The following CAMK2D variants were observed in gnomAD, a reference collection of about 807,000 sequenced individuals.
CAMK2D encodes the protein calcium/calmodulin dependent protein kinase II delta.
In CAMK2D, 37 loss-of-function variants were observed where a neutral mutation model predicts 84.0. The ratio of observed to expected loss-of-function variants is 0.44; its 90% CI spans 0.34 to 0.58. The LOEUF is 0.58. Ranked by LOEUF, CAMK2D falls within the 20% of genes least tolerant of loss-of-function variation. CAMK2D has a pLI of 0.02. For synonymous variants in CAMK2D, 202 were observed against 212.5 expected (o/e 0.95, Z 0.43); for missense variants, 448 against 652.5 (o/e 0.69, Z 3.41).
At chr4:113,499,497 C>T (rs1011316302) in intron 16 of CAMK2D, among the ~76,000 whole-genome samples, 1 of 152,150 alleles carries the variant, frequency 6.6e-6, no homozygotes, top group Non-Finnish European at 1.5e-5. Context: ...CTGAGAATTT[C>T]CAAATCCTTT....
At chr4:113,606,723 C>T (rs2098979302) in intron 4 of CAMK2D, among the ~76,000 whole-genome samples, 1 of 152,048 alleles carries the variant, frequency 6.6e-6, no homozygotes, top group Non-Finnish European at 1.5e-5. Flanking sequence ...TTCAAAGAAA[C>T]AATGTCCAAA....
At chr4:113,475,595 A>G (rs1050529941) in intron 16 of CAMK2D, among the ~76,000 whole-genome samples, 1 of 152,244 alleles carries the variant, frequency 6.6e-6, no homozygotes, top group African/African-American at 2.4e-5. Flanking sequence ...AGTTTTACCA[A>G]CTAACATAGT....
At chr4:113,517,851 C>T (rs889156031) in intron 8 of CAMK2D, among the ~76,000 whole-genome samples, 194 bp from the exon 9 acceptor site, 1 of 152,104 alleles carries the variant, frequency 6.6e-6, no homozygotes, top group Non-Finnish European at 1.5e-5. Flanking sequence ...TCCTATGCTC[C>T]AGAACTCTGA....
chr4:113,583,491 C>G (rs2098819979), intron 4 of CAMK2D, among the ~76,000 whole-genome samples: 1 of 152,162 alleles, frequency 6.6e-6, no homozygotes, highest in African/African-American at 2.4e-5. Context: ...GCAACTTGGA[C>G]TCAACTGGTA....
rs560319375 is a variant in CAMK2D at position 113,610,767 on chromosome 4, GCCAC to G, written c.221-1565_221-1562del. Among the ~76,000 whole-genome samples, 509 of 152,190 alleles carry G rather than the reference GCCAC, an allele frequency of 3.3e-3. 2 individuals carry two copies. The highest frequency in any genetic ancestry group is 0.012 in the African/African-American group (493 of 41,510). On this transcript the variant is annotated intron_variant, in intron 3 of 20. Transcript: ENST00000511664. Reference sequence around the variant, plus strand: ...AGCACACTGCAGTCCCCGCTGCCCTGCCACGCTTATCTTACTTGTCACAGTGCCA... The same window carrying G: ...AGCACACTGCAGTCCCCGCTGCCCTGGCTTATCTTACTTGTCACAGTGCCA...
chr4:113,553,039 T>C (rs1048437517), intron 4 of CAMK2D, among the ~76,000 whole-genome samples: 25 of 152,330 alleles, frequency 1.6e-4, no homozygotes, highest in African/African-American at 6.0e-4. Context: ...TCTGGCTTGA[T>C]TTTAAAAGGA....
At chr4:113,732,883 T>C (rs2099572547) in intron 2 of CAMK2D, among the ~76,000 whole-genome samples, 1 of 152,166 alleles carries the variant, frequency 6.6e-6, no homozygotes, top group South Asian at 2.1e-4. Context: ...ATAGATATAT[T>C]AGTGCTTCTC....
chr4:113,488,947 C>G (rs2097792244), intron 16 of CAMK2D, among the ~76,000 whole-genome samples: 1 of 151,940 alleles, frequency 6.6e-6, no homozygotes, highest in Admixed American at 6.6e-5. Flanking sequence ...CTTAGGATAA[C>G]TTGGCAGGAC....
intron 3 of CAMK2D, among the ~76,000 whole-genome samples, chr4:113,648,526 G>C (rs932343727): frequency 3.3e-5 from 5 of 152,218 alleles, no homozygotes; most frequent in African/African-American, 1.2e-4. Context: ...AAGTAGTTGA[G>C]CCAACAAAAG....
intron 4 of CAMK2D, among the ~76,000 whole-genome samples, chr4:113,591,947 A>T (rs529768275): frequency 6.6e-6 from 1 of 152,084 alleles, no homozygotes; most frequent in Non-Finnish European, 1.5e-5. Flanking sequence ...TCTTGTCTCT[A>T]CTAGGTTGTA....
chr4:113,709,779 A>ATATG (rs1554070831), intron 2 of CAMK2D, among the ~76,000 whole-genome samples: 2 of 125,814 alleles, frequency 1.6e-5, no homozygotes, highest in African/African-American at 6.5e-5. Flanking sequence ...ATATATATAT[A>ATATG]TATGAGAGAC....
intron 16 of CAMK2D, among the ~76,000 whole-genome samples, chr4:113,466,529 C>G (rs904663453): frequency 6.6e-6 from 1 of 152,122 alleles, no homozygotes; most frequent in Non-Finnish European, 1.5e-5. Flanking sequence ...GACACTGTGA[C>G]TGGCCTTTGT....
At chr4:113,748,193 T>C (rs2099608997) in intron 2 of CAMK2D, among the ~76,000 whole-genome samples, 1 of 152,154 alleles carries the variant, frequency 6.6e-6, no homozygotes, top group South Asian at 2.1e-4. Context: ...AATGGTAATT[T>C]TACTTGACTT....
At chr4:113,471,568 C>G (rs183854417) in intron 16 of CAMK2D, among the ~76,000 whole-genome samples, 2 of 152,248 alleles carry the variant, frequency 1.3e-5, no homozygotes, top group East Asian at 1.9e-4. Context: ...AAACTGGAAG[C>G]CTTGCTATCT....
chr4:113,750,672 T>A (rs751729537), intron 2 of CAMK2D, among the ~76,000 whole-genome samples: 2 of 152,150 alleles, frequency 1.3e-5, no homozygotes, highest in African/African-American at 2.4e-5. Flanking sequence ...ATAAAAAATG[T>A]GCAACTATTA....
intron 2 of CAMK2D, among the ~76,000 whole-genome samples, chr4:113,679,225 A>G (rs2099330542): frequency 6.6e-6 from 1 of 152,216 alleles, no homozygotes; most frequent in South Asian, 2.1e-4. Context: ...TTAATGCTAA[A>G]GAGCTCATTA....
At position 113,671,470 on chromosome 4, in the gene CAMK2D, T is replaced by C. The variant is rs377343494; in HGVS notation, c.161-9698A>G. ...ATGTTTTCATAAAAGTTGCAAAACA[T>C]GATATCTTAACAGTAATCAGTTATG... On this transcript the variant is annotated intron_variant, in intron 2 of 20. Transcript: ENST00000511664. Among the ~76,000 whole-genome samples, 10 of 152,232 alleles carry C rather than the reference T, an allele frequency of 6.6e-5. No homozygotes were observed. In the East Asian group the frequency reaches 1.3e-3, roughly 21 times the overall value.
At chr4:113,754,319 C>T (rs2099623622) in intron 2 of CAMK2D, 1 of 980,822 alleles carries the variant, frequency 1.0e-6, no homozygotes, top group Non-Finnish European at 1.2e-6. Flanking sequence ...ATGAGTCAAC[C>T]TCAGTATAAG....
chr4:113,500,451 G>T lies in CAMK2D; in HGVS notation c.1135+12C>A. 1 of 1,551,560 alleles carries T rather than the reference G, an allele frequency of 6.4e-7. No homozygotes were observed. The highest frequency in any genetic ancestry group is 8.8e-7 in the Non-Finnish European group (1 of 1,131,162). On this transcript the variant is annotated intron_variant, in intron 16 of 20. Transcript: ENST00000511664. The stretch of plus-strand genomic sequence containing the variant: ...TCTGAGGTAGGATTTTCCATTTCTG[G>T]TTAAATCATACCTTTCACATCTTCA...
Sources: allele counts gnomAD v4.1 joint callset (sites outside exome capture counted in the v4.1 genomes callset), GRCh38; gene constraint gnomAD v4.1.1; transcripts MANE v1.5; gene names NCBI Gene and HGNC (gene_info 2026-07-23, HGNC 2026-07-21).